Variants in CTNNA3 observed in about 807,000 individuals in gnomAD.
CTNNA3 encodes catenin alpha 3.
A neutral mutation model predicts 95.7 loss-of-function variants in CTNNA3; 76 were observed. The observed-to-expected ratio is 0.79, with a 90% CI of 0.66 to 0.96. The LOEUF (loss-of-function observed/expected upper bound fraction) is 0.96. Among genes scored for constraint, CTNNA3 ranks in the 40% least tolerant of loss-of-function variants. CTNNA3 has a pLI of 0.00. For synonymous variants in CTNNA3, 431 were observed against 374.4 expected (o/e 1.15, Z -1.74); for missense variants, 1,191 against 1,089.8 (o/e 1.09, Z -1.31).
chr10:66,188,867 T>G (rs1315862729), intron 13 of CTNNA3, among the ~76,000 whole-genome samples: 1 of 152,036 alleles, frequency 6.6e-6, no homozygotes, highest in Non-Finnish European at 1.5e-5. Flanking sequence ...AGGTTTCCCT[T>G]TTCTCCACAT....
chr10:66,138,965 T>C (rs2083479122), intron 13 of CTNNA3, among the ~76,000 whole-genome samples: 1 of 152,216 alleles, frequency 6.6e-6, no homozygotes, highest in Non-Finnish European at 1.5e-5. Flanking sequence ...TTGGTCTTCA[T>C]TTCTTCACAA....
At chr10:66,545,270 G>A (rs1269398544) in intron 10 of CTNNA3, among the ~76,000 whole-genome samples, 4 of 151,926 alleles carry the variant, frequency 2.6e-5, no homozygotes, top group Non-Finnish European at 4.4e-5. Flanking sequence ...CCGCATAAAC[G>A]TCCCTTTCTA....
At chr10:67,353,401 C>T (rs1052587836) in intron 5 of CTNNA3, among the ~76,000 whole-genome samples, 1 of 151,958 alleles carries the variant, frequency 6.6e-6, no homozygotes, top group South Asian at 2.1e-4. Context: ...CAAGAACTCC[C>T]TAAACTTTAA....
chr10:66,682,093 A>G (rs1201649133), intron 9 of CTNNA3, among the ~76,000 whole-genome samples: 1 of 152,196 alleles, frequency 6.6e-6, no homozygotes, highest in Non-Finnish European at 1.5e-5. Context: ...AGGAGGTTTG[A>G]TCCTATTAAG....
At chr10:65,947,473 A>C (rs2077535895) in intron 17 of CTNNA3, among the ~76,000 whole-genome samples, 1 of 152,210 alleles carries the variant, frequency 6.6e-6, no homozygotes, top group Non-Finnish European at 1.5e-5. Context: ...CACCTGCTAC[A>C]TGCTGGACAC....
chr10:66,096,009 A>C (rs903853555), intron 14 of CTNNA3, among the ~76,000 whole-genome samples: 1 of 152,170 alleles, frequency 6.6e-6, no homozygotes, highest in African/African-American at 2.4e-5. Context: ...TATATATGAC[A>C]AATAATGTAT....
At chr10:66,989,207 C>T (rs1345594158) in intron 7 of CTNNA3, among the ~76,000 whole-genome samples, 1 of 152,040 alleles carries the variant, frequency 6.6e-6, no homozygotes, top group Non-Finnish European at 1.5e-5. Flanking sequence ...CTTCTTTCTC[C>T]AATTGACTGT....
intron 7 of CTNNA3, among the ~76,000 whole-genome samples, chr10:67,154,761 T>C (rs1861226914): frequency 6.6e-6 from 1 of 152,132 alleles, no homozygotes; most frequent in African/African-American, 2.4e-5. Flanking sequence ...GACCCCTACC[T>C]TGCCTACCTG....
At chr10:67,173,575 A>G (rs1862107677) in intron 7 of CTNNA3, among the ~76,000 whole-genome samples, 1 of 152,182 alleles carries the variant, frequency 6.6e-6, no homozygotes, top group Admixed American at 6.5e-5. Flanking sequence ...GTTCTAGTGT[A>G]TATGATCTAA....
At chr10:66,198,167 T>C (rs2087085529) in intron 13 of CTNNA3, among the ~76,000 whole-genome samples, 1 of 152,202 alleles carries the variant, frequency 6.6e-6, no homozygotes, top group African/African-American at 2.4e-5. Flanking sequence ...TGTGTGGGGA[T>C]TGCTCAAACA....
intron 7 of CTNNA3, among the ~76,000 whole-genome samples, chr10:66,865,171 T>TATGAA (rs1243789228): frequency 6.6e-6 from 1 of 151,554 alleles, no homozygotes; most frequent in Admixed American, 6.6e-5. Context: ...GTCTAACATT[T>TATGAA]ATGAATGCTA....
intron 5 of CTNNA3, among the ~76,000 whole-genome samples, chr10:67,445,583 C>A (rs895568047): frequency 2.6e-5 from 4 of 152,124 alleles, no homozygotes; most frequent in African/African-American, 9.7e-5. Context: ...TCCTATTAGG[C>A]CCTACCTTCC....
chr10:66,047,006 A>AC (rs1378538077), intron 15 of CTNNA3, among the ~76,000 whole-genome samples: 1 of 152,186 alleles, frequency 6.6e-6, no homozygotes, highest in African/African-American at 2.4e-5. Flanking sequence ...CAACCAAAAA[A>AC]AGCCCAGGAC....
At chr10:67,732,932 G>A (rs747548271) in intron 1 of CTNNA3, among the ~76,000 whole-genome samples, 4 of 151,176 alleles carry the variant, frequency 2.6e-5, no homozygotes, top group Non-Finnish European at 4.4e-5. Context: ...TCAAGACTCC[G>A]TTAAAAGTGT....
At chr10:67,515,358 C>T (rs1161593711) in intron 5 of CTNNA3, among the ~76,000 whole-genome samples, 2 of 152,160 alleles carry the variant, frequency 1.3e-5, no homozygotes, top group Non-Finnish European at 2.9e-5. Flanking sequence ...TGCATCCAAC[C>T]TTCTTTTCTC....
intron 5 of CTNNA3, among the ~76,000 whole-genome samples, chr10:67,322,346 TG>T (rs1841355847): frequency 1.3e-5 from 2 of 152,158 alleles, no homozygotes; most frequent in Admixed American, 6.5e-5. Flanking sequence ...CAGTACCCAG[TG>T]GTTATTTTTC....
At chr10:67,322,146 A>G (rs78332951) in intron 5 of CTNNA3, among the ~76,000 whole-genome samples, 1 of 152,292 alleles carries the variant, frequency 6.6e-6, no homozygotes, top group African/African-American at 2.4e-5. Flanking sequence ...AAATTATAAC[A>G]TTACAAATTT....
At chr10:66,801,236 A>T (rs1589269606) in intron 7 of CTNNA3, among the ~76,000 whole-genome samples, 1 of 151,506 alleles carries the variant, frequency 6.6e-6, no homozygotes, top group African/African-American at 2.4e-5. Context: ...AAATAAAATC[A>T]CGTGAAATTA....
At chr10:66,699,171 A>G (rs771461245) in intron 9 of CTNNA3, among the ~76,000 whole-genome samples, 5 of 152,164 alleles carry the variant, frequency 3.3e-5, no homozygotes, top group Non-Finnish European at 7.4e-5. Flanking sequence ...TAAGGTTGCA[A>G]TGAATGTAGG....
Sources: allele counts gnomAD v4.1 joint callset (sites outside exome capture counted in the v4.1 genomes callset), GRCh38; gene constraint gnomAD v4.1.1; transcripts MANE v1.5; gene names NCBI Gene and HGNC (gene_info 2026-07-23, HGNC 2026-07-21).